The following NRG1 variants were observed in gnomAD, a reference collection of about 807,000 sequenced individuals.
The protein encoded by NRG1 is pro-neuregulin-1, membrane-bound isoform.
A neutral mutation model predicts 63.8 loss-of-function variants in NRG1; 18 were observed. The observed-to-expected ratio is 0.28, with a 90% CI of 0.19 to 0.42. The LOEUF (loss-of-function observed/expected upper bound fraction) is 0.42, where lower values mean the gene tolerates loss of function less well. Ranked by LOEUF, NRG1 falls within the 10% of genes least tolerant of loss-of-function variation. The pLI is 1.00. For synonymous variants in NRG1, 302 were observed against 301.3 expected (o/e 1.00, Z -0.02); for missense variants, 762 against 814.7 (o/e 0.94, Z 0.79).
chr8:31,708,741 G>A lies in NRG1; in HGVS notation c.37+69310G>A, dbSNP rs548609227. On this transcript the variant is annotated intron_variant, in intron 1 of 10. Transcript: ENST00000519301. ...ATTACAGGCGTGAGCCACCGCGCCCGGCCAACATAATTGTTTTTAAAGCCA... is the reference window on the plus strand; with the variant it reads ...ATTACAGGCGTGAGCCACCGCGCCCAGCCAACATAATTGTTTTTAAAGCCA... 1.5e-3 allele frequency among the ~76,000 whole-genome samples: 227 copies of A among 152,220 alleles called. 1 individual carries two copies. Among genetic ancestry groups the A allele is most frequent in the Middle Eastern group, 6.8e-3 (2 of 294 alleles).
intron 1 of NRG1, among the ~76,000 whole-genome samples, chr8:32,134,863 T>C (rs948740499): frequency 6.6e-6 from 1 of 151,994 alleles, no homozygotes; most frequent in Non-Finnish European, 1.5e-5. Flanking sequence ...GCCTGGGTGA[T>C]AGAGTGAGAC....
intron 1 of NRG1, among the ~76,000 whole-genome samples, chr8:32,160,966 C>T (rs1447674614): frequency 6.6e-6 from 1 of 152,118 alleles, no homozygotes; most frequent in Non-Finnish European, 1.5e-5. Context: ...AAAATTATTG[C>T]CTTTTCTTAA....
rs1808538182 is a variant in NRG1, at chr8:31,683,379, A to G, written c.37+43948A>G. Among the ~76,000 whole-genome samples the G allele has an allele frequency of 3.3e-5, 5 of 152,166 alleles. 1 individual carries two copies. The South Asian group carries it at 1.0e-3, about 32-fold the overall frequency. On this transcript the variant is annotated intron_variant, in intron 1 of 10. Coordinates refer to the NRG1 transcript ENST00000519301. Reference sequence around the variant, plus strand: ...TCAGTGCTATCAGTGCTAAGAAGAAATGAGCCATCACGTCATGAAAAGACA... The same window carrying G: ...TCAGTGCTATCAGTGCTAAGAAGAAGTGAGCCATCACGTCATGAAAAGACA...
At chr8:32,087,482 C>CTTTTTTTTTTTTTTTTTTT (rs67438409) in intron 1 of NRG1, among the ~76,000 whole-genome samples, 2 of 90,278 alleles carry the variant, frequency 2.2e-5, no homozygotes, top group Non-Finnish European at 4.1e-5. Context: ...TCTTTTCTTT[C>CTTTTTTTTTTTTTTTTTTT]TTTTTTTTTT....
chr8:32,544,510 TA>T (rs1832878305), upstream of NRG1, among the ~76,000 whole-genome samples: 5 of 103,896 alleles, frequency 4.8e-5, no homozygotes, highest in South Asian at 1.5e-3. Context: ...TTTATTTATT[TA>T]TTTATTGTTA....
At chr8:32,048,139 C>G (rs1429503766) in intron 1 of NRG1, among the ~76,000 whole-genome samples, 2 of 151,688 alleles carry the variant, frequency 1.3e-5, no homozygotes, top group African/African-American at 4.8e-5. Flanking sequence ...TTTCCTTTAT[C>G]CATTCATCCA....
At chr8:31,648,116 T>C (rs1363775636) in intron 1 of NRG1, among the ~76,000 whole-genome samples, 5 of 145,118 alleles carry the variant, frequency 3.4e-5, no homozygotes, top group African/African-American at 1.3e-4. Flanking sequence ...TTTACAAATT[T>C]GACTACTCTT....
chr8:31,963,071 C>A (rs1012908958), intron 1 of NRG1, among the ~76,000 whole-genome samples: 5 of 152,178 alleles, frequency 3.3e-5, no homozygotes, highest in African/African-American at 1.2e-4. Flanking sequence ...TGTTCTAGAT[C>A]TCCATTGAAT....
chr8:32,652,903 A>G (rs891225674), intron 5 of NRG1, among the ~76,000 whole-genome samples: 8 of 152,172 alleles, frequency 5.3e-5, no homozygotes, highest in Non-Finnish European at 7.3e-5. Context: ...CTTTTAAAGT[A>G]TGAAGGAAGA....
intron 1 of NRG1, among the ~76,000 whole-genome samples, chr8:32,181,245 G>T (rs374874267): frequency 6.6e-6 from 1 of 152,074 alleles, no homozygotes; most frequent in African/African-American, 2.4e-5. Context: ...TTAGTCCTTT[G>T]TGCTTTGAAA....
intron 5 of NRG1, among the ~76,000 whole-genome samples, chr8:32,722,548 G>C (rs1820920631): frequency 6.6e-6 from 1 of 152,110 alleles, no homozygotes; most frequent in South Asian, 2.1e-4. Context: ...TATTTATTCT[G>C]AGTATTTACA....
chr8:32,484,080 G>A (rs1284878127), intron 1 of NRG1, among the ~76,000 whole-genome samples: 1 of 150,604 alleles, frequency 6.6e-6, no homozygotes, highest in Non-Finnish European at 1.5e-5. Flanking sequence ...TCCAGCCTGG[G>A]CGACAGAGCA....
intron 5 of NRG1, among the ~76,000 whole-genome samples, chr8:32,625,233 G>T (rs1210707644): frequency 6.6e-6 from 1 of 152,070 alleles, no homozygotes. Flanking sequence ...CATCAAAAGT[G>T]TTGGAATGCC....
At chr8:31,932,041 C>A (rs959504260) in intron 1 of NRG1, among the ~76,000 whole-genome samples, 2 of 152,122 alleles carry the variant, frequency 1.3e-5, no homozygotes, top group East Asian at 3.9e-4. Context: ...GGGTTATGAA[C>A]CCAAATAGGT....
At chr8:32,066,752 G>A (rs1276733666) in intron 1 of NRG1, among the ~76,000 whole-genome samples, 1 of 152,098 alleles carries the variant, frequency 6.6e-6, no homozygotes, top group Non-Finnish European at 1.5e-5. Flanking sequence ...GATGGGGATG[G>A]CATTGAATCT....
intron 5 of NRG1, among the ~76,000 whole-genome samples, chr8:32,710,932 C>T (rs1372553869): frequency 6.6e-6 from 1 of 152,154 alleles, no homozygotes; most frequent in Non-Finnish European, 1.5e-5. Context: ...TCACAGTGGC[C>T]TCCTGCCTTC....
intron 5 of NRG1, among the ~76,000 whole-genome samples, chr8:32,726,880 A>C (rs748418379): frequency 1.3e-5 from 2 of 152,152 alleles, no homozygotes; most frequent in Admixed American, 6.5e-5. Context: ...TAAGAATGTT[A>C]TCAGTAGACA....
chr8:31,824,279 G>T (rs191791345), intron 1 of NRG1, among the ~76,000 whole-genome samples: 5 of 149,670 alleles, frequency 3.3e-5, no homozygotes, highest in African/African-American at 7.4e-5. Flanking sequence ...GCAGTGTTTG[G>T]TTTTTTGTCC....
intron 1 of NRG1, among the ~76,000 whole-genome samples, chr8:31,752,733 T>C (rs1237386706): frequency 2.0e-5 from 3 of 151,916 alleles, no homozygotes; most frequent in African/African-American, 4.8e-5. Flanking sequence ...CTGGTAGCCA[T>C]AGACAAGGAA....
Sources: gnomAD v4.1 joint callset for allele counts (sites outside exome capture counted in the v4.1 genomes callset) on GRCh38, gnomAD v4.1.1 for gene constraint, MANE v1.5 for transcripts, NCBI Gene and HGNC (gene_info 2026-07-23, HGNC 2026-07-21) for gene names.